KCNIP4: variants seen among roughly 807,000 people sequenced by gnomAD.
KCNIP4 encodes Kv channel-interacting protein 4.
KCNIP4 carries 12 observed loss-of-function variants against 34.0 expected under a neutral mutation model. That is an observed-to-expected ratio of 0.35 (90% CI 0.23 to 0.57). KCNIP4 has a LOEUF of 0.57. Among genes scored for constraint, KCNIP4 ranks in the 20% least tolerant of loss-of-function variants. The pLI, the probability that KCNIP4 is intolerant of heterozygous loss-of-function variation, is 0.83. For synonymous variants in KCNIP4, 124 were observed against 102.2 expected (o/e 1.21, Z -1.29); for missense variants, 238 against 311.7 (o/e 0.76, Z 1.78).
At chr4:21,095,142 A>T (rs1747350858) in intron 1 of KCNIP4, among the ~76,000 whole-genome samples, 1 of 152,224 alleles carries the variant, frequency 6.6e-6, no homozygotes, top group African/African-American at 2.4e-5. Flanking sequence ...TAAGATAAAG[A>T]TCAGACACTC....
At chr4:20,756,792 CTT>C (rs1754510846) in intron 4 of KCNIP4, among the ~76,000 whole-genome samples, 2 of 152,058 alleles carry the variant, frequency 1.3e-5, no homozygotes, top group Non-Finnish European at 2.9e-5. Flanking sequence ...ATCTATCTCT[CTT>C]GTGTTTATTT....
At chr4:21,117,973 G>A (rs1378602642) in intron 1 of KCNIP4, among the ~76,000 whole-genome samples, 2 of 152,144 alleles carry the variant, frequency 1.3e-5, no homozygotes, top group African/African-American at 4.8e-5. Context: ...TTATGTGTTA[G>A]TCACTGAACT....
chr4:21,462,040 G>C (rs964222562), intron 1 of KCNIP4, among the ~76,000 whole-genome samples: 8 of 151,908 alleles, frequency 5.3e-5, no homozygotes, highest in African/African-American at 9.7e-5. Context: ...TCATTTCTTT[G>C]TGGTAAGACC....
Position 20,851,435 on chromosome 4 carries a change from G to T in KCNIP4, c.164-768C>A, listed in dbSNP as rs548402059. On this transcript the variant is annotated intron_variant, in intron 2 of 8. Transcript: ENST00000382152. Reference sequence around the variant, plus strand: ...CATTTTCTTTATCCAGTCTATCATTGGTGGGCGGTTAGGTTGATTCTGTGA... The same window carrying T: ...CATTTTCTTTATCCAGTCTATCATTTGTGGGCGGTTAGGTTGATTCTGTGA... 9.9e-5 allele frequency among the ~76,000 whole-genome samples: 15 copies of T among 152,224 alleles called. No homozygotes were observed. In the East Asian group the frequency reaches 2.5e-3, roughly 25 times the overall value.
chr4:21,213,549 G>T (rs960204352), intron 1 of KCNIP4, among the ~76,000 whole-genome samples: 1 of 152,030 alleles, frequency 6.6e-6, no homozygotes, highest in African/African-American at 2.4e-5. Flanking sequence ...TGATCCACCT[G>T]CCTTGCCCTC....
chr4:20,848,054 T>C (rs1355547622), intron 3 of KCNIP4, among the ~76,000 whole-genome samples: 1 of 152,126 alleles, frequency 6.6e-6, no homozygotes, highest in Non-Finnish European at 1.5e-5. Flanking sequence ...TGCTTAGGGT[T>C]CATTTATTAG....
rs139698175 is a variant in KCNIP4 at position 21,638,452 on chromosome 4, A to G, written c.61+310119T>C. On this transcript the variant is annotated intron_variant, in intron 1 of 8. Transcript: ENST00000382152. Reference sequence around the variant, plus strand: ...AAACACAACATAAAACTGTATAACCATGAAAAAGAAAATTCAGGAAAAAGC... The same window carrying G: ...AAACACAACATAAAACTGTATAACCGTGAAAAAGAAAATTCAGGAAAAAGC... 3.5e-3 allele frequency among the ~76,000 whole-genome samples: 532 copies of G among 152,308 alleles called. 6 individuals are homozygous for G. The highest frequency in any genetic ancestry group is 0.012 in the African/African-American group (505 of 41,568).
chr4:21,004,469 T>C (rs1300965330), intron 1 of KCNIP4, among the ~76,000 whole-genome samples: 1 of 152,186 alleles, frequency 6.6e-6, no homozygotes, highest in Non-Finnish European at 1.5e-5. Flanking sequence ...GCTGTCAAGA[T>C]ATCCTGGAGA....
intron 1 of KCNIP4, among the ~76,000 whole-genome samples, chr4:21,698,516 T>G (rs923520572): frequency 6.6e-6 from 1 of 152,168 alleles, no homozygotes; most frequent in African/African-American, 2.4e-5. Flanking sequence ...TTTAAGACAT[T>G]GGGATAGAGG....
At chr4:21,783,862 T>C (rs540387469) in intron 1 of KCNIP4, among the ~76,000 whole-genome samples, 2 of 149,258 alleles carry the variant, frequency 1.3e-5, no homozygotes, top group African/African-American at 5.2e-5. Context: ...TATCAACGGA[T>C]AAGGTACAAA....
At chr4:21,781,115 C>T (rs559358228) in intron 1 of KCNIP4, among the ~76,000 whole-genome samples, 6 of 152,170 alleles carry the variant, frequency 3.9e-5, no homozygotes, top group African/African-American at 1.2e-4. Flanking sequence ...AATTATAATC[C>T]CCACATGTTG....
chr4:21,678,688 G>T lies in KCNIP4; in HGVS notation c.61+269883C>A, dbSNP rs368030893. Among the ~76,000 whole-genome samples, 21 of 152,224 alleles carry T rather than the reference G, an allele frequency of 1.4e-4. No homozygotes were observed. In the East Asian group the frequency reaches 3.1e-3, roughly 22 times the overall value. On this transcript the variant is annotated intron_variant, in intron 1 of 8. Transcript: ENST00000382152. Reference sequence around the variant, plus strand: ...TGGCTGGCCTGTCTGCCTGAAATTTGTGTTCCCAGATATTTCTATGTTTCT... The same window carrying T: ...TGGCTGGCCTGTCTGCCTGAAATTTTTGTTCCCAGATATTTCTATGTTTCT...
At chr4:21,591,173 T>C (rs1742188465) in intron 1 of KCNIP4, among the ~76,000 whole-genome samples, 1 of 152,012 alleles carries the variant, frequency 6.6e-6, no homozygotes, top group Non-Finnish European at 1.5e-5. Flanking sequence ...TCATTTGAGC[T>C]ACCCTAATAG....
chr4:21,366,323 C>T (rs1303514993), intron 1 of KCNIP4, among the ~76,000 whole-genome samples: 1 of 152,148 alleles, frequency 6.6e-6, no homozygotes, highest in Non-Finnish European at 1.5e-5. Context: ...CTGCATGCAA[C>T]GCAGTGATTA....
intron 1 of KCNIP4, among the ~76,000 whole-genome samples, chr4:21,177,076 C>T (rs1216954446): frequency 6.6e-6 from 1 of 152,102 alleles, no homozygotes; most frequent in African/African-American, 2.4e-5. Context: ...ATAGGAATTC[C>T]AGATCCCTGA....
At chr4:21,259,127 A>G (rs1470957001) in intron 1 of KCNIP4, among the ~76,000 whole-genome samples, 4 of 152,190 alleles carry the variant, frequency 2.6e-5, no homozygotes, top group Non-Finnish European at 5.9e-5. Context: ...ATTTGAATCC[A>G]GGACTGTCAG....
chr4:21,579,008 A>G (rs1041461983), intron 1 of KCNIP4, among the ~76,000 whole-genome samples: 1 of 152,198 alleles, frequency 6.6e-6, no homozygotes, highest in African/African-American at 2.4e-5. Context: ...ATAGAAGCCT[A>G]AATTTTTTTC....
At chr4:21,282,957 GT>G (rs1189987860) in intron 1 of KCNIP4, among the ~76,000 whole-genome samples, 1 of 152,130 alleles carries the variant, frequency 6.6e-6, no homozygotes, top group Non-Finnish European at 1.5e-5. Flanking sequence ...CTGCTGAATG[GT>G]TAAACACGTG....
chr4:20,904,389 T>C (rs1727507074), intron 1 of KCNIP4, among the ~76,000 whole-genome samples: 1 of 150,620 alleles, frequency 6.6e-6, no homozygotes, highest in African/African-American at 2.4e-5. Flanking sequence ...AGGAAAGTTA[T>C]ATGGGCATAA....
Sources: allele counts gnomAD v4.1 joint callset (sites outside exome capture counted in the v4.1 genomes callset), GRCh38; gene constraint gnomAD v4.1.1; transcripts MANE v1.5; gene names NCBI Gene and HGNC (gene_info 2026-07-23, HGNC 2026-07-21).